Variants in GPHN observed in about 807,000 individuals in gnomAD.
GPHN encodes the protein gephyrin.
Under a neutral mutation model 95.5 loss-of-function variants are expected in GPHN, and 17 were observed. The observed-to-expected ratio is 0.18, with a 90% CI of 0.12 to 0.27. The LOEUF is 0.27. Ranked by LOEUF, GPHN falls within the 10% of genes least tolerant of loss-of-function variation. The probability of loss-of-function intolerance (pLI) is 1.00; values close to 1 mark genes in which losing one functional copy is unlikely to be tolerated. For synonymous variants in GPHN, 320 were observed against 322.5 expected (o/e 0.99, Z 0.08); for missense variants, 660 against 978.1 (o/e 0.67, Z 4.34).
intron 9 of GPHN, among the ~76,000 whole-genome samples, chr14:66,975,421 A>G (rs2070144138): frequency 6.6e-6 from 1 of 152,236 alleles, no homozygotes; most frequent in South Asian, 2.1e-4. Context: ...GTTTAATGAT[A>G]TATTGGAAGA....
chr14:67,272,912 A>ACAGCCT, the GPHN span, among the ~76,000 whole-genome samples: 2 of 152,198 alleles, frequency 1.3e-5, no homozygotes, highest in Admixed American at 6.5e-5. Flanking sequence ...TAAGTGATCC[A>ACAGCCT]CAGCCTCAGC....
At chr14:66,995,309 G>T (rs1029428866) in intron 9 of GPHN, among the ~76,000 whole-genome samples, 1 of 152,120 alleles carries the variant, frequency 6.6e-6, no homozygotes. Context: ...TTAAAAATCA[G>T]TGATAAAATA....
intron 1 of GPHN, among the ~76,000 whole-genome samples, chr14:66,648,287 T>G (rs2064860262): frequency 6.6e-6 from 1 of 152,176 alleles, no homozygotes; most frequent in Non-Finnish European, 1.5e-5. Flanking sequence ...AAAGAAGCCC[T>G]GAATATTACT....
At chr14:67,620,841 T>G in the GPHN span, 45 of 1,595,572 alleles carry the variant, frequency 2.8e-5, no homozygotes, top group Non-Finnish European at 4.3e-6. Context: ...ACCAAATGGG[T>G]TTTTTTCCGA....
chr14:67,374,318 G>A, the GPHN span: 3 of 448,922 alleles, frequency 6.7e-6, no homozygotes, highest in Non-Finnish European at 8.0e-6. Flanking sequence ...ACTCAGCCTT[G>A]TAATACTTAT....
chr14:66,943,726 TA>T (rs1165005848), intron 8 of GPHN, among the ~76,000 whole-genome samples: 1 of 152,194 alleles, frequency 6.6e-6, no homozygotes, highest in Non-Finnish European at 1.5e-5. Context: ...GAGCTCTTTT[TA>T]TAGGCATCAC....
rs1244480117 is a variant in GPHN, at chr14:66,623,263, A to G, written c.65-57844A>G. ...TTCACTATAATGAGGACAGCACACG[A>G]AAGACCCACCCCCATAATTCAATCA... On this transcript the variant is annotated intron_variant, in intron 1 of 22. Transcript: ENST00000478722. Among the ~76,000 whole-genome samples, 5 of 152,146 alleles carry G rather than the reference A, an allele frequency of 3.3e-5. No homozygotes were observed. In the East Asian group the frequency reaches 9.7e-4, roughly 29 times the overall value.
the GPHN span, chr14:67,586,803 G>T: frequency 7.0e-7 from 1 of 1,423,204 alleles, no homozygotes; most frequent in Non-Finnish European, 9.3e-7. Context: ...CCCTTCCCTG[G>T]TTGTAGAGCT....
chr14:67,201,183 A>G, the GPHN span, among the ~76,000 whole-genome samples: 2 of 151,972 alleles, frequency 1.3e-5, no homozygotes, highest in East Asian at 3.9e-4. Flanking sequence ...ATTCCTAGCT[A>G]CTCGGAAGGC....
intron 4 of GPHN, among the ~76,000 whole-genome samples, chr14:66,868,521 G>A (rs1025705617): frequency 2.6e-5 from 4 of 152,028 alleles, no homozygotes; most frequent in Non-Finnish European, 5.9e-5. Flanking sequence ...AGGCTCTTGA[G>A]TAGCTGGAAC....
At chr14:67,132,548 T>C (rs1031841202) in intron 17 of GPHN, among the ~76,000 whole-genome samples, 6 of 152,146 alleles carry the variant, frequency 3.9e-5, no homozygotes, top group Admixed American at 3.3e-4. Context: ...TCATTTTCTA[T>C]TGGTTAACAA....
the GPHN span, among the ~76,000 whole-genome samples, chr14:67,700,888 G>A: frequency 6.6e-6 from 1 of 151,162 alleles, no homozygotes; most frequent in Non-Finnish European, 1.5e-5. Flanking sequence ...AGCTGGGCAC[G>A]GCGGCGAATG....
chr14:66,733,228 G>A (rs2071953907), intron 2 of GPHN, among the ~76,000 whole-genome samples: 1 of 151,782 alleles, frequency 6.6e-6, no homozygotes, highest in East Asian at 1.9e-4. Flanking sequence ...CATAAGACAT[G>A]CCTGCCTCCC....
chr14:66,582,467 T>C lies in GPHN; in HGVS notation c.64+73876T>C, dbSNP rs563310930. On this transcript the variant is annotated intron_variant, in intron 1 of 22. Transcript: ENST00000478722. ...GTGACATATGTATACATGTGCCATG[T>C]TGGTGTGCTGCACCCATTAACTCAT... 3.0e-4 allele frequency among the ~76,000 whole-genome samples: 45 copies of C among 152,106 alleles called. 2 individuals are homozygous for C. In the South Asian group the frequency reaches 9.3e-3, roughly 32 times the overall value.
intron 10 of GPHN, among the ~76,000 whole-genome samples, chr14:67,048,078 A>G (rs1427572701): frequency 6.6e-6 from 1 of 152,228 alleles, no homozygotes; most frequent in East Asian, 1.9e-4. Flanking sequence ...ACACCACAAA[A>G]AAAGGTTACT....
At chr14:66,828,708 AC>A (rs1435661450) in intron 4 of GPHN, among the ~76,000 whole-genome samples, 5 of 152,174 alleles carry the variant, frequency 3.3e-5, no homozygotes, top group Non-Finnish European at 7.4e-5. Flanking sequence ...ATGAAAAAAA[AC>A]AATCCAAAGA....
At chr14:66,661,274 G>T (rs1043914225) in intron 1 of GPHN, among the ~76,000 whole-genome samples, 3 of 152,174 alleles carry the variant, frequency 2.0e-5, no homozygotes, top group Admixed American at 6.5e-5. Context: ...AGAGTTGCTG[G>T]CGGGAGGGGC....
the GPHN span, chr14:67,412,087 C>G: frequency 6.6e-7 from 1 of 1,504,996 alleles, no homozygotes; most frequent in Non-Finnish European, 8.9e-7. Context: ...AGGGCCACCC[C>G]AGGTGCGCCT....
chr14:67,187,693 A>G, the GPHN span, among the ~76,000 whole-genome samples: 2 of 152,058 alleles, frequency 1.3e-5, no homozygotes, highest in Non-Finnish European at 2.9e-5. Context: ...TCAACCCTTC[A>G]ACTTTATGTA....
Sources: gnomAD v4.1 joint callset for allele counts (sites outside exome capture counted in the v4.1 genomes callset) on GRCh38, gnomAD v4.1.1 for gene constraint, MANE v1.5 for transcripts, NCBI Gene and HGNC (gene_info 2026-07-23, HGNC 2026-07-21) for gene names.